The following MGAT5 variants were observed in gnomAD, a reference collection of about 807,000 sequenced individuals.
MGAT5 encodes the protein alpha-1,6-mannosylglycoprotein 6-beta-N-acetylglucosaminyltransferase, also known as alpha-1,6-mannosylglycoprotein 6-beta-N-acetylglucosaminyltransferase A.
In MGAT5, 30 loss-of-function variants were observed where a neutral mutation model predicts 94.3. The observed-to-expected ratio is 0.32, with a 90% confidence interval of 0.24 to 0.43. The LOEUF is 0.43. MGAT5 is among the 20% of genes least tolerant of loss of function. MGAT5 has a pLI of 1.00. For synonymous variants in MGAT5, 310 were observed against 322.9 expected (o/e 0.96, Z 0.43); for missense variants, 691 against 905.5 (o/e 0.76, Z 3.04).
chr2:134,217,580 T>G (rs1453333198), intron 1 of MGAT5, among the ~76,000 whole-genome samples: 1 of 152,202 alleles, frequency 6.6e-6, no homozygotes. Flanking sequence ...GTAGGAACAT[T>G]CATTAAAGTC....
intron 10 of MGAT5, among the ~76,000 whole-genome samples, chr2:134,369,825 T>G (rs908704831): frequency 1.1e-4 from 16 of 151,888 alleles, no homozygotes; most frequent in African/African-American, 3.9e-4. Flanking sequence ...CGGAAAAAAT[T>G]TGATGACAAC....
chr2:134,186,181 G>C (rs1689012910), intron 1 of MGAT5, among the ~76,000 whole-genome samples: 1 of 152,222 alleles, frequency 6.6e-6, no homozygotes. Context: ...CAATGTGGAA[G>C]GGTCCAGTTA....
At chr2:134,124,856 T>G (rs1321258327) in intron 1 of MGAT5, among the ~76,000 whole-genome samples, 1 of 152,242 alleles carries the variant, frequency 6.6e-6, no homozygotes, top group East Asian at 1.9e-4. Flanking sequence ...GGCTGGCCCT[T>G]GAGGGAACAT....
intron 1 of MGAT5, among the ~76,000 whole-genome samples, chr2:134,149,778 A>G (rs886528818): frequency 3.3e-5 from 5 of 152,190 alleles, no homozygotes; most frequent in Non-Finnish European, 7.3e-5. Flanking sequence ...GGGATCCACC[A>G]AGGCACTAAC....
chr2:134,315,631 C>A (rs1686954789), intron 2 of MGAT5, among the ~76,000 whole-genome samples: 1 of 152,170 alleles, frequency 6.6e-6, no homozygotes, highest in South Asian at 2.1e-4. Flanking sequence ...ATAGCAAATG[C>A]CAACTTTTAA....
intron 10 of MGAT5, among the ~76,000 whole-genome samples, chr2:134,368,406 C>G (rs1422795418): frequency 6.6e-6 from 1 of 152,210 alleles, no homozygotes; most frequent in Non-Finnish European, 1.5e-5. Flanking sequence ...GTCCAGCCCT[C>G]GCCTGCCTTG....
intron 1 of MGAT5, among the ~76,000 whole-genome samples, chr2:134,153,058 C>T (rs1021924929): frequency 1.3e-5 from 2 of 152,112 alleles, no homozygotes; most frequent in Non-Finnish European, 2.9e-5. Context: ...CATGTGCCAC[C>T]ACGCCCGGCT....
chr2:134,337,613 G>A (rs991272147), intron 5 of MGAT5, among the ~76,000 whole-genome samples: 4 of 152,108 alleles, frequency 2.6e-5, no homozygotes, highest in Admixed American at 2.6e-4. Context: ...CCAATCACTC[G>A]TTGTATCCAG....
chr2:134,178,826 A>G (rs977009676), intron 1 of MGAT5, among the ~76,000 whole-genome samples: 4 of 152,112 alleles, frequency 2.6e-5, no homozygotes, highest in Admixed American at 2.0e-4. Context: ...TGATATTTAC[A>G]TATTTGACTC....
chr2:134,232,978 A>G (rs1181312768), intron 1 of MGAT5, among the ~76,000 whole-genome samples: 3 of 152,226 alleles, frequency 2.0e-5, no homozygotes, highest in Non-Finnish European at 1.5e-5. Context: ...CTAAGGTCAT[A>G]ACTTTCTTAA....
chr2:134,298,378 G>A (rs940943596), intron 2 of MGAT5, among the ~76,000 whole-genome samples: 8 of 152,096 alleles, frequency 5.3e-5, no homozygotes, highest in African/African-American at 7.2e-5. Context: ...GATTACAAGC[G>A]TGAGCCACCA....
chr2:134,341,015 T>C (rs1688594303), intron 6 of MGAT5, among the ~76,000 whole-genome samples: 1 of 152,212 alleles, frequency 6.6e-6, no homozygotes, highest in Non-Finnish European at 1.5e-5. Flanking sequence ...GTTATATTTT[T>C]CAAGTGAAGG....
chr2:134,342,401 A>G (rs1331668000), intron 7 of MGAT5, among the ~76,000 whole-genome samples: 3 of 152,168 alleles, frequency 2.0e-5, no homozygotes, highest in African/African-American at 7.2e-5. Context: ...TCAAGTTGCC[A>G]TGTTGCTATA....
In MGAT5 at chr2:134,336,307, CTCTT is replaced by C. The variant is rs1255111752; in HGVS notation, c.645+23_645+26del. 6 of 1,604,752 alleles carry C rather than the reference CTCTT, an allele frequency of 3.7e-6. No homozygotes were observed. The highest frequency in any genetic ancestry group is 4.3e-6 in the Non-Finnish European group (5 of 1,172,584). On this transcript the variant is annotated intron_variant, in intron 5 of 15. Transcript: ENST00000281923. ...TTCATTGGTAAGTGATTTTGGAAAACTCTTTCTAGACTTGTGCATTTAGGTCAGA... is the reference window on the plus strand; with the variant it reads ...TTCATTGGTAAGTGATTTTGGAAAACTCTAGACTTGTGCATTTAGGTCAGA...
At chr2:134,329,846 T>A (rs1009378257) in intron 4 of MGAT5, among the ~76,000 whole-genome samples, 3 of 152,154 alleles carry the variant, frequency 2.0e-5, no homozygotes, top group Non-Finnish European at 4.4e-5. Context: ...ACTCAGGTGT[T>A]GGTGCAGAGA....
rs1004107908 is a variant in MGAT5, at chr2:134,449,265, C to T, written c.*418C>T. Reference sequence around the variant, plus strand: ...TATTCGGGTGGGAGGGAGGGGACCGCGGGAGGGAGAGGAGGGATTGATCAC... The same window carrying T: ...TATTCGGGTGGGAGGGAGGGGACCGTGGGAGGGAGAGGAGGGATTGATCAC... On this transcript the variant is annotated 3_prime_UTR_variant, in exon 16 of 16. Coordinates refer to ENST00000281923, the MANE Select transcript of MGAT5 (RefSeq NM_002410.5). The T allele has an allele frequency of 8.3e-5, 17 of 203,958 alleles. No homozygotes were observed. In the South Asian group the frequency reaches 1.0e-3, roughly 12 times the overall value. The allele number at this position is 203,958 out of a possible 1,614,324, so 12.6% of individuals were successfully genotyped here.
At chr2:134,265,184 T>C (rs1430036040) in intron 1 of MGAT5, among the ~76,000 whole-genome samples, 2 of 152,196 alleles carry the variant, frequency 1.3e-5, no homozygotes, top group East Asian at 3.8e-4. Flanking sequence ...CATGGCCATT[T>C]TTGATAATTC....
chr2:134,387,820 A>G (rs1384298029), intron 10 of MGAT5, among the ~76,000 whole-genome samples: 1 of 152,188 alleles, frequency 6.6e-6, no homozygotes, highest in Non-Finnish European at 1.5e-5. Flanking sequence ...TGAGTATTCA[A>G]ATGTGTACCC....
At chr2:134,282,281 A>G (rs1267306416) in intron 2 of MGAT5, among the ~76,000 whole-genome samples, 2 of 152,232 alleles carry the variant, frequency 1.3e-5, no homozygotes, top group Non-Finnish European at 2.9e-5. Context: ...AGTGTGTGCC[A>G]TGCCGGGCTG....
Sources: allele counts gnomAD v4.1 joint callset (sites outside exome capture counted in the v4.1 genomes callset), GRCh38; gene constraint gnomAD v4.1.1; transcripts MANE v1.5; gene names NCBI Gene and HGNC (gene_info 2026-07-23, HGNC 2026-07-21).